ARL15: variants seen among roughly 807,000 people sequenced by gnomAD.
The protein encoded by ARL15 is ADP-ribosylation factor-like protein 15.
ARL15 carries 19 observed loss-of-function variants against 25.2 expected under a neutral mutation model. The observed-to-expected ratio is 0.75, with a 90% CI of 0.53 to 1.10. The LOEUF (loss-of-function observed/expected upper bound fraction) is 1.10. Among genes scored for constraint, ARL15 ranks in the 50% least tolerant of loss-of-function variants. The pLI, the probability that ARL15 is intolerant of heterozygous loss-of-function variation, is 0.00. For missense variants in ARL15, 220 were observed against 246.0 expected, an observed-to-expected ratio of 0.89 and a Z score of 0.71; for synonymous variants, 94 against 86.8, an observed-to-expected ratio of 1.08 and a Z score of -0.46.
chr5:54,267,959 T>C (rs1185304178), intron 1 of ARL15, among the ~76,000 whole-genome samples: 14 of 151,894 alleles, frequency 9.2e-5, no homozygotes, highest in African/African-American at 2.9e-4. Context: ...GAGTTGCTCT[T>C]CTCGAGGAGT....
chr5:54,183,720 T>C (rs1025677289), intron 1 of ARL15, among the ~76,000 whole-genome samples: 1 of 149,800 alleles, frequency 6.7e-6, no homozygotes, highest in South Asian at 2.1e-4. Flanking sequence ...GAACTAGAAA[T>C]ACCATTTGAC....
At chr5:54,066,043 T>C (rs2112049246) in intron 4 of ARL15, among the ~76,000 whole-genome samples, 1 of 152,376 alleles carries the variant, frequency 6.6e-6, no homozygotes, top group Middle Eastern at 3.4e-3. Flanking sequence ...ATGTTTTAAA[T>C]ACATTATTTC....
intron 1 of ARL15, among the ~76,000 whole-genome samples, chr5:54,279,452 C>CAG (rs150229303): frequency 6.6e-6 from 1 of 151,644 alleles, no homozygotes; most frequent in Admixed American, 6.6e-5. Context: ...ACATGGCAGA[C>CAG]AGAGAGAGAG....
chr5:54,161,696 G>T (rs114511835), intron 2 of ARL15, among the ~76,000 whole-genome samples: 470 of 152,214 alleles, frequency 3.1e-3, no homozygotes, highest in African/African-American at 0.011. Flanking sequence ...ACAGCCATAT[G>T]CTTATCTGTA....
At chr5:53,918,794 T>C (rs776665973) in intron 4 of ARL15, among the ~76,000 whole-genome samples, 1 of 151,580 alleles carries the variant, frequency 6.6e-6, no homozygotes, top group Non-Finnish European at 1.5e-5. Context: ...GAGAGGAGAT[T>C]TTGAAATATA....
chr5:54,045,869 TAA>T (rs1427405009), intron 4 of ARL15, among the ~76,000 whole-genome samples: 1 of 152,204 alleles, frequency 6.6e-6, no homozygotes, highest in Non-Finnish European at 1.5e-5. Context: ...AAAAACAGAA[TAA>T]AAGAGTAGTC....
chr5:54,032,216 C>T (rs1750013181), intron 4 of ARL15, among the ~76,000 whole-genome samples: 1 of 151,870 alleles, frequency 6.6e-6, no homozygotes, highest in Non-Finnish European at 1.5e-5. Flanking sequence ...TTTGTTTATT[C>T]ATGGGTTTTT....
At chr5:54,173,834 T>A (rs2112407685) in intron 1 of ARL15, among the ~76,000 whole-genome samples, 1 of 151,918 alleles carries the variant, frequency 6.6e-6, no homozygotes, top group South Asian at 2.1e-4. Context: ...CCAGCCAAGC[T>A]CACCAGCCTC....
At chr5:54,247,604 G>A (rs1405670813) in intron 1 of ARL15, among the ~76,000 whole-genome samples, 1 of 148,742 alleles carries the variant, frequency 6.7e-6, no homozygotes, top group Non-Finnish European at 1.5e-5. Context: ...ACCCGAACAC[G>A]TTTAGAAACA....
chr5:54,172,377 A>G (rs1265557999), intron 1 of ARL15, among the ~76,000 whole-genome samples: 1 of 152,154 alleles, frequency 6.6e-6, no homozygotes, highest in Non-Finnish European at 1.5e-5. Context: ...AAGACATAAT[A>G]ATAAAATGCA....
intron 1 of ARL15, among the ~76,000 whole-genome samples, chr5:54,287,777 C>T (rs559120525): frequency 6.6e-6 from 1 of 152,236 alleles, no homozygotes; most frequent in East Asian, 1.9e-4. Flanking sequence ...TTTGCCTCCC[C>T]ACCCTTTTAG....
intron 4 of ARL15, among the ~76,000 whole-genome samples, chr5:53,990,121 G>A (rs1029119763): frequency 2.0e-5 from 3 of 152,042 alleles, no homozygotes; most frequent in Non-Finnish European, 2.9e-5. Flanking sequence ...CCAGCTACTT[G>A]AGAGGCTGAG....
chr5:54,212,600 T>C (rs1579916179), intron 1 of ARL15, among the ~76,000 whole-genome samples: 1 of 152,182 alleles, frequency 6.6e-6, no homozygotes, highest in Non-Finnish European at 1.5e-5. Context: ...CAGACCAGGG[T>C]ATTTTAGCAA....
intron 2 of ARL15, among the ~76,000 whole-genome samples, chr5:54,166,648 T>C: frequency 6.6e-6 from 1 of 152,274 alleles, no homozygotes; most frequent in South Asian, 2.1e-4. Flanking sequence ...CAAATTACCC[T>C]AGCTTAGGTT....
intron 4 of ARL15, among the ~76,000 whole-genome samples, chr5:53,991,561 A>AGGGGG (rs150250231): frequency 4.3e-5 from 4 of 92,066 alleles, no homozygotes; most frequent in African/African-American, 7.7e-5. Context: ...AAAAAAAAAA[A>AGGGGG]GGGGGGGCGG....
At chr5:53,894,116 G>T (rs1173063237) in intron 4 of ARL15, among the ~76,000 whole-genome samples, 3 of 152,194 alleles carry the variant, frequency 2.0e-5, no homozygotes, top group Admixed American at 1.3e-4. Context: ...CTTTGGGGGT[G>T]CGTATTTATT....
At chr5:54,278,158 T>C (rs1479738605) in intron 1 of ARL15, among the ~76,000 whole-genome samples, 1 of 152,214 alleles carries the variant, frequency 6.6e-6, no homozygotes, top group Admixed American at 6.5e-5. Flanking sequence ...GATGGTGTTA[T>C]TATAGTTCCC....
intron 4 of ARL15, among the ~76,000 whole-genome samples, chr5:53,978,413 T>C (rs1054721175): frequency 1.3e-5 from 2 of 151,958 alleles, no homozygotes; most frequent in Admixed American, 6.6e-5. Context: ...AGACTGAATG[T>C]TGAAATCTCT....
chr5:53,933,435 G>A (rs1580093733), intron 4 of ARL15, among the ~76,000 whole-genome samples: 1 of 151,996 alleles, frequency 6.6e-6, no homozygotes, highest in Non-Finnish European at 1.5e-5. Context: ...CACGAGGTCA[G>A]GAGATCGAGA....
Sources: allele counts gnomAD v4.1 joint callset (sites outside exome capture counted in the v4.1 genomes callset), GRCh38; gene constraint gnomAD v4.1.1; transcripts MANE v1.5; gene names NCBI Gene and HGNC (gene_info 2026-07-23, HGNC 2026-07-21).